The following DGAT2 variants were observed in gnomAD, a reference collection of about 807,000 sequenced individuals.
The protein encoded by DGAT2 is diacylglycerol O-acyltransferase 2.
A neutral mutation model predicts 48.4 loss-of-function variants in DGAT2; 33 were observed. The observed-to-expected ratio is 0.68, with a 90% CI of 0.52 to 0.91. The LOEUF (loss-of-function observed/expected upper bound fraction) is 0.91, where lower values mean the gene tolerates loss of function less well. DGAT2 is among the 40% of genes least tolerant of loss of function. The probability of loss-of-function intolerance (pLI) is 0.00; values close to 1 mark genes in which losing one functional copy is unlikely to be tolerated. For synonymous variants in DGAT2, 191 were observed against 194.1 expected, an observed-to-expected ratio of 0.98 and a Z score of 0.13; for missense variants, 446 against 493.7, an observed-to-expected ratio of 0.90 and a Z score of 0.92.
chr11:75,786,628 C>T (rs955029926), intron 2 of DGAT2, among the ~76,000 whole-genome samples: 15 of 152,220 alleles, frequency 9.9e-5, no homozygotes, highest in African/African-American at 2.4e-5. Context: ...GGCCTCACCT[C>T]GCCTCGCCTC....
Position 75,800,675 on chromosome 11 carries a change from T to A in DGAT2, c.*167T>A. ...TTTTTAAGAAGGAAAAAGTCAGTAT[T>A]TCAAGTTCTTTCACTTCCAGCTTGC... On this transcript the variant is annotated 3_prime_UTR_variant, in exon 8 of 8. Transcript: ENST00000228027. 7 of 883,604 alleles carry A rather than the reference T, an allele frequency of 7.9e-6. No individual in the cohort carries two copies. Among genetic ancestry groups the A allele is most frequent in the Non-Finnish European group, 1.2e-5 (7 of 601,210 alleles). The allele number at this position is 883,604 out of a possible 1,614,324, so 54.7% of individuals were successfully genotyped here.
intron 4 of DGAT2, among the ~76,000 whole-genome samples, chr11:75,791,348 G>A (rs1944987959): frequency 6.6e-6 from 1 of 152,214 alleles, no homozygotes; most frequent in Non-Finnish European, 1.5e-5. Context: ...GGCAGGGCCA[G>A]CTCCTTCTGC....
chr11:75,791,765 G>C (rs1220032488), intron 4 of DGAT2, among the ~76,000 whole-genome samples: 2 of 152,134 alleles, frequency 1.3e-5, no homozygotes, highest in Non-Finnish European at 2.9e-5. Flanking sequence ...TTCCTGCCCT[G>C]TCACTCCATT....
chr11:75,789,485 C>T (rs1202627265), intron 2 of DGAT2, among the ~76,000 whole-genome samples: 1 of 152,142 alleles, frequency 6.6e-6, no homozygotes, highest in Non-Finnish European at 1.5e-5. Context: ...CTGATGGGCT[C>T]TGCGCTTTGG....
In DGAT2 at chr11:75,796,497, G is replaced by T. The variant is rs545718921; in HGVS notation, c.599G>T (p.Arg200Leu). 6.2e-7 allele frequency: 1 copy of T among 1,613,330 alleles called. No homozygotes were observed. The highest frequency in any genetic ancestry group is 1.3e-5 in the African/African-American group (1 of 75,032). The change falls in exon 5 of 8, where the codon CGA becomes CTA. Residue 200 changes from arginine to leucine, a missense_variant. Arg to Leu is a moderately radical substitution (Grantham distance 102). Transcript: ENST00000228027. Reference protein sequence around the residue: ...PYLATLAGNFRMPVLREYLMS... With the variant: ...PYLATLAGNFLMPVLREYLMS... Reference sequence around the variant, plus strand: ...CTGGCTACACTGGCAGGCAACTTCCGAATGCCTGTGTTGAGGGAGTACCTG... The same window carrying T: ...CTGGCTACACTGGCAGGCAACTTCCTAATGCCTGTGTTGAGGGAGTACCTG...
chr11:75,786,196 C>A (rs1208542787), intron 2 of DGAT2, among the ~76,000 whole-genome samples: 2 of 152,194 alleles, frequency 1.3e-5, no homozygotes, highest in African/African-American at 4.8e-5. Context: ...TAAACAGTCT[C>A]CCTCAGGACT....
chr11:75,771,180 G>A (rs1944753260), intron 1 of DGAT2, among the ~76,000 whole-genome samples: 1 of 152,172 alleles, frequency 6.6e-6, no homozygotes, highest in African/African-American at 2.4e-5. Flanking sequence ...AAAAAGGCCA[G>A]CTGTGGGAGT....
At chr11:75,792,233 C>G (rs1481567066) in intron 4 of DGAT2, 1 of 152,318 alleles carries the variant, frequency 6.6e-6, no homozygotes, top group Non-Finnish European at 1.5e-5. Context: ...CATCTCTGTT[C>G]CAAGAAGTCA....
intron 3 of DGAT2, among the ~76,000 whole-genome samples, 153 bp downstream of exon 3, chr11:75,790,448 C>T (rs910767734): frequency 2.0e-5 from 3 of 152,158 alleles, no homozygotes; most frequent in Non-Finnish European, 2.9e-5. Context: ...TTAAAAGCCC[C>T]TCAAAGGGCA....
chr11:75,779,709 C>G (rs1409562591), intron 1 of DGAT2, among the ~76,000 whole-genome samples: 1 of 152,212 alleles, frequency 6.6e-6, no homozygotes, highest in Non-Finnish European at 1.5e-5. Flanking sequence ...TGGGAATCTT[C>G]CCCTACAGCC....
intron 4 of DGAT2, chr11:75,793,318 C>T (rs1050819422): frequency 5.3e-5 from 8 of 152,192 alleles, no homozygotes; most frequent in African/African-American, 1.7e-4. Flanking sequence ...TGCCTACATT[C>T]TTCTGGGTCC....
Position 75,768,888 on chromosome 11 carries a change from C to G in DGAT2, c.-104C>G. The G allele has an allele frequency of 1.5e-6, 2 of 1,310,742 alleles. No individual in the cohort carries two copies. The highest frequency in any genetic ancestry group is 9.7e-7 in the Non-Finnish European group (1 of 1,026,122). 81.2% of individuals were successfully genotyped at this position (1,310,742 alleles called of 1,614,324 possible). ...GCCCAGCCTCGACGCCGTCCCGGGA[C>G]CCCTGTGCTCTGCGCGAAGCCCTGG... On this transcript the variant is annotated 5_prime_UTR_variant, in exon 1 of 8. Transcript: ENST00000228027.
chr11:75,792,229 T>C (rs1386056658), intron 4 of DGAT2: 3 of 152,422 alleles, frequency 2.0e-5, no homozygotes, highest in African/African-American at 7.2e-5. Flanking sequence ...CTCACATCTC[T>C]GTTCCAAGAA....
intron 2 of DGAT2, among the ~76,000 whole-genome samples, chr11:75,789,494 G>A (rs1163279652): frequency 6.6e-6 from 1 of 152,136 alleles, no homozygotes; most frequent in Admixed American, 6.5e-5. Flanking sequence ...TCTGCGCTTT[G>A]GCCTGGGACT....
chr11:75,772,039 C>G (rs1944762913), intron 1 of DGAT2, among the ~76,000 whole-genome samples: 1 of 152,178 alleles, frequency 6.6e-6, no homozygotes, highest in Non-Finnish European at 1.5e-5. Flanking sequence ...AGATCCATCT[C>G]CCAGTCTGTG....
chr11:75,800,176 CT>C (rs1945095342), intron 7 of DGAT2, among the ~76,000 whole-genome samples, 177 bp from the exon 8 acceptor site: 1 of 152,208 alleles, frequency 6.6e-6, no homozygotes, highest in Non-Finnish European at 1.5e-5. Flanking sequence ...TCACATGCCC[CT>C]GGGCCTCAGT....
chr11:75,798,443 C>A lies in DGAT2; in HGVS notation c.1012+14C>A. 6.2e-7 allele frequency: 1 copy of A among 1,611,348 alleles called. No homozygotes were observed. On this transcript the variant is annotated intron_variant, in intron 7 of 7. Transcript: ENST00000228027. The stretch of plus-strand genomic sequence containing the variant: ...TCACCACTGTTGGTAAGCCCCTAGC[C>A]TGCAGACCAAGGGCTGTCCTGAACA...
chr11:75,775,252 G>A (rs1250492229), intron 1 of DGAT2, among the ~76,000 whole-genome samples: 3 of 152,148 alleles, frequency 2.0e-5, no homozygotes, highest in South Asian at 2.1e-4. Context: ...GAGGCTTAGC[G>A]CCCCTGCAGG....
At chr11:75,774,501 T>C (rs1468619985) in intron 1 of DGAT2, among the ~76,000 whole-genome samples, 1 of 152,228 alleles carries the variant, frequency 6.6e-6, no homozygotes, top group Non-Finnish European at 1.5e-5. Context: ...CTGCTTCCCA[T>C]GTGACCTTGG....
Sources: allele counts gnomAD v4.1 joint callset (sites outside exome capture counted in the v4.1 genomes callset), GRCh38; gene constraint gnomAD v4.1.1; transcripts MANE v1.5; gene names NCBI Gene and HGNC (gene_info 2026-07-23, HGNC 2026-07-21).